NPAS2: variants seen among roughly 807,000 people sequenced by gnomAD.
The protein encoded by NPAS2 is neuronal PAS domain-containing protein 2.
A neutral mutation model predicts 107.5 loss-of-function variants in NPAS2; 23 were observed. The observed-to-expected ratio is 0.21, with a 90% confidence interval of 0.15 to 0.30. The LOEUF (loss-of-function observed/expected upper bound fraction) is 0.30. Among genes scored for constraint, NPAS2 ranks in the 10% least tolerant of loss-of-function variants. The probability of loss-of-function intolerance (pLI) is 1.00; values close to 1 mark genes in which losing one functional copy is unlikely to be tolerated. For synonymous variants in NPAS2, 403 were observed against 417.5 expected (o/e 0.97, Z 0.42); for missense variants, 756 against 1,043.3 (o/e 0.72, Z 3.79).
intron 5 of NPAS2, among the ~76,000 whole-genome samples, chr2:100,943,283 G>A (rs534523553): frequency 1.5e-4 from 23 of 152,296 alleles, no homozygotes; most frequent in Non-Finnish European, 2.4e-4. Context: ...CTTTTCTCTC[G>A]ATTACCAATG....
rs974515310 is a variant in NPAS2 at position 100,820,623 on chromosome 2, C to T, written c.-23+209C>T. On this transcript the variant is annotated intron_variant, in intron 1 of 20. Coordinates refer to ENST00000335681, the MANE Select transcript of NPAS2 (RefSeq NM_002518.4). The surrounding 1 kb of genome is among the most constrained non-coding windows in gnomAD (Gnocchi z 5.6). Reference sequence around the variant, plus strand: ...CACAGTCAGGCCGCTGGGGGCTTCGCGTCCTGCAGGAGGTAGCAATCGCTG... The same window carrying T: ...CACAGTCAGGCCGCTGGGGGCTTCGTGTCCTGCAGGAGGTAGCAATCGCTG... Among the ~76,000 whole-genome samples the T allele has an allele frequency of 8.6e-4, 131 of 152,096 alleles. 2 individuals are homozygous for T. The highest frequency in any genetic ancestry group is 3.7e-3 in the Admixed American group (57 of 15,286).
In NPAS2 at chr2:100,867,895, T is replaced by A. The variant is rs1045945111; in HGVS notation, c.-22-36838T>A. ...TATTATAGTTGGTATTTGTCCCATTTTTTTCTGCCTTTTTTTCCCCTTTAT... is the reference window on the plus strand; with the variant it reads ...TATTATAGTTGGTATTTGTCCCATTATTTTCTGCCTTTTTTTCCCCTTTAT... On this transcript the variant is annotated intron_variant, in intron 1 of 20. Coordinates refer to ENST00000335681, the MANE Select transcript of NPAS2 (RefSeq NM_002518.4). Among the ~76,000 whole-genome samples, 4 of 152,118 alleles carry A rather than the reference T, an allele frequency of 2.6e-5. No individual in the cohort carries two copies. In the South Asian group the frequency reaches 6.2e-4, roughly 24 times the overall value.
At chr2:100,956,806 A>T (rs1015704987) in intron 7 of NPAS2, among the ~76,000 whole-genome samples, 1 of 152,162 alleles carries the variant, frequency 6.6e-6, no homozygotes, top group Admixed American at 6.5e-5. Flanking sequence ...GCTCGCCCAC[A>T]TGGCTACCCG....
At position 100,864,608 on chromosome 2, in the gene NPAS2, G is replaced by A. The variant is rs1679146146; in HGVS notation, c.-22-40125G>A. On this transcript the variant is annotated intron_variant, in intron 1 of 20. Transcript: ENST00000335681. ...AAATGGTTGACAAGTCTTTTATATT[G>A]CTTGAACATCTACATAACAAAGAAA... 2.6e-5 allele frequency among the ~76,000 whole-genome samples: 4 copies of A among 152,186 alleles called. No individual in the cohort carries two copies. In the South Asian group the frequency reaches 8.3e-4, roughly 32 times the overall value.
In NPAS2 at chr2:100,965,166, G is replaced by A. The variant is rs1172430517; in HGVS notation, c.800+223G>A. Among the ~76,000 whole-genome samples the A allele has an allele frequency of 6.6e-6, 1 of 152,176 alleles. No individual in the cohort carries two copies. The highest frequency in any genetic ancestry group is 1.9e-4 in the East Asian group (1 of 5,186). On this transcript the variant is annotated intron_variant, in intron 9 of 20. Transcript: ENST00000335681. The surrounding 1 kb of genome is among the most constrained non-coding windows in gnomAD (Gnocchi z 4.3). The stretch of plus-strand genomic sequence containing the variant: ...TTTGGGTCTGATGGCTCAGCCCCGG[G>A]CCATCTTTGGGATGATCCTCACTTG...
chr2:100,976,272 G>T lies in NPAS2; in HGVS notation c.1392+705G>T, dbSNP rs572812752. Reference sequence around the variant, plus strand: ...TGTCCAGCAGCCGGGCTGGGTGGCTGAGGGCTGGGCTCAGCTGAGGCCATC... The same window carrying T: ...TGTCCAGCAGCCGGGCTGGGTGGCTTAGGGCTGGGCTCAGCTGAGGCCATC... On this transcript the variant is annotated intron_variant, in intron 14 of 20. Transcript: ENST00000335681. The surrounding 1 kb of genome is among the most constrained non-coding windows in gnomAD (Gnocchi z 4.1). 6.6e-6 allele frequency among the ~76,000 whole-genome samples: 1 copy of T among 152,064 alleles called. No homozygotes were observed. The highest frequency in any genetic ancestry group is 1.5e-5 in the Non-Finnish European group (1 of 68,016).
At chr2:100,943,566 A>T (rs1310249267) in intron 5 of NPAS2, among the ~76,000 whole-genome samples, 2 of 152,250 alleles carry the variant, frequency 1.3e-5, no homozygotes, top group African/African-American at 4.8e-5. Context: ...CTCACAGCCC[A>T]GATGAGGACC....
At chr2:100,913,841 G>C (rs1344923684) in intron 2 of NPAS2, among the ~76,000 whole-genome samples, 1 of 152,166 alleles carries the variant, frequency 6.6e-6, no homozygotes, top group Non-Finnish European at 1.5e-5. Flanking sequence ...GGGGGTGCTC[G>C]ATGTCATTCA....
At chr2:100,932,773 T>C (rs1264623195) in intron 3 of NPAS2, 137 bp from the exon 4 acceptor site, 5 of 642,114 alleles carry the variant, frequency 7.8e-6, no homozygotes, top group Middle Eastern at 3.5e-4. Context: ...GGGTAACATA[T>C]TTCCTTCTGC....
chr2:100,831,367 C>G (rs370148047), intron 1 of NPAS2, among the ~76,000 whole-genome samples: 99 of 152,196 alleles, frequency 6.5e-4, no homozygotes, highest in African/African-American at 2.2e-3. Flanking sequence ...GTGTTGTCTA[C>G]GAAAGACATG....
At chr2:100,862,164 AATACATCTCAAAGAAAGCTGTAGTCAG>A (rs1365681265) in intron 1 of NPAS2, among the ~76,000 whole-genome samples, 1 of 152,206 alleles carries the variant, frequency 6.6e-6, no homozygotes, top group Non-Finnish European at 1.5e-5. Flanking sequence ...GAAAAAAAAG[AATACATCTCAAAGAAAGCTGTAGTCAG>A]AGCTACTGCT....
At chr2:100,954,966 C>T (rs1573713286) in intron 7 of NPAS2, among the ~76,000 whole-genome samples, 1 of 151,962 alleles carries the variant, frequency 6.6e-6, no homozygotes, top group East Asian at 1.9e-4. Flanking sequence ...GAACCTCTGC[C>T]TCCAGGGTTC....
chr2:100,893,674 A>C (rs1245322156), intron 1 of NPAS2, among the ~76,000 whole-genome samples: 1 of 152,238 alleles, frequency 6.6e-6, no homozygotes, highest in Non-Finnish European at 1.5e-5. Context: ...TTTAGTCATG[A>C]TTCCAGTGAT....
At chr2:100,967,140 A>T (rs966129905) in intron 10 of NPAS2, among the ~76,000 whole-genome samples, 2 of 151,384 alleles carry the variant, frequency 1.3e-5, no homozygotes, top group African/African-American at 4.9e-5. Flanking sequence ...AGGCTTCTCC[A>T]TGGCTTGGGC....
intron 1 of NPAS2, among the ~76,000 whole-genome samples, chr2:100,865,151 A>T (rs1352981586): frequency 6.6e-6 from 1 of 152,232 alleles, no homozygotes; most frequent in Non-Finnish European, 1.5e-5. Flanking sequence ...TTAAAATGTC[A>T]TGAGCTCCCA....
intron 5 of NPAS2, among the ~76,000 whole-genome samples, chr2:100,945,229 C>T (rs545407153): frequency 4.1e-4 from 63 of 152,290 alleles, no homozygotes; most frequent in Non-Finnish European, 7.8e-4. Flanking sequence ...TTTCCCTCCT[C>T]CTGTCCTCCG....
At chr2:100,957,088 T>C (rs371736650) in intron 7 of NPAS2, among the ~76,000 whole-genome samples, 1 of 152,358 alleles carries the variant, frequency 6.6e-6, no homozygotes, top group East Asian at 1.9e-4. Flanking sequence ...CCTTAGGGCT[T>C]CATCATTTGC....
At chr2:100,835,099 C>T (rs1676975327) in intron 1 of NPAS2, among the ~76,000 whole-genome samples, 2 of 152,066 alleles carry the variant, frequency 1.3e-5, no homozygotes, top group Admixed American at 6.5e-5. Context: ...ACCCTGTGTT[C>T]GACAGTCATC....
At position 100,904,731 on chromosome 2, in the gene NPAS2, A is replaced by C; in HGVS notation, c.-22-2A>C. On this transcript the variant is annotated splice_acceptor_variant, in intron 1 of 20. Coordinates refer to ENST00000335681, the MANE Select transcript of NPAS2 (RefSeq NM_002518.4). LOFTEE classifies it low-confidence loss of function (5UTR_SPLICE). ...TTTTAATTTTTTTTTTTTTTTTTGC[A>C]GGAAAAACTGCATAGAAAATCTAAT... 1 of 1,504,144 alleles carries C rather than the reference A, an allele frequency of 6.6e-7. No homozygotes were observed. The highest frequency in any genetic ancestry group is 9.0e-7 in the Non-Finnish European group (1 of 1,107,474). 93.2% of individuals were successfully genotyped at this position (1,504,144 alleles called of 1,614,324 possible).
Sources: gnomAD v4.1 joint callset for allele counts (sites outside exome capture counted in the v4.1 genomes callset) on GRCh38, gnomAD v4.1.1 for gene constraint, Gnocchi (gnomAD v3.1) non-coding constraint, MANE v1.5 for transcripts, NCBI Gene and HGNC (gene_info 2026-07-23, HGNC 2026-07-21) for gene names.